Variants in ALKAL2 observed in about 807,000 individuals in gnomAD.
ALKAL2 encodes AUG-alpha.
In ALKAL2, 8 loss-of-function variants were observed where a neutral mutation model predicts 18.5. That is an observed-to-expected ratio of 0.43 (90% CI 0.25 to 0.78). The LOEUF is 0.78. ALKAL2 is among the 30% of genes least tolerant of loss of function. ALKAL2 has a pLI of 0.22. For missense variants in ALKAL2, 241 were observed against 211.2 expected (o/e 1.14, Z -0.88); for synonymous variants, 135 against 95.8 (o/e 1.41, Z -2.39).
At chr2:286,646 T>C (rs1328330271) in intron 2 of ALKAL2, 2 of 266,444 alleles carry the variant, frequency 7.5e-6, no homozygotes, top group Non-Finnish European at 1.4e-5. Flanking sequence ...GTTTTTTTTT[T>C]CTTTTAAACA....
At chr2:282,497 A>G (rs1670385854) in intron 5 of ALKAL2, among the ~76,000 whole-genome samples, 1 of 152,258 alleles carries the variant, frequency 6.6e-6, no homozygotes, top group Non-Finnish European at 1.5e-5. Flanking sequence ...TGTGTCAGGA[A>G]AATAAAACCT....
At chr2:287,538 A>G (rs1368093368) in intron 2 of ALKAL2, 45 bp downstream of exon 2, 4 of 1,305,368 alleles carry the variant, frequency 3.1e-6, no homozygotes, top group African/African-American at 1.6e-5. Flanking sequence ...AGACAATTCT[A>G]TTTCCCAGCA....
At chr2:280,256 T>C (rs1020504114) in intron 5 of ALKAL2, 104 bp from the exon 6 acceptor site, 2 of 1,291,156 alleles carry the variant, frequency 1.5e-6, no homozygotes, top group East Asian at 2.3e-5. Context: ...TTTATAAACA[T>C]AGGCAGTCTC....
chr2:284,846 T>C (rs1670455266), intron 4 of ALKAL2, among the ~76,000 whole-genome samples: 1 of 152,156 alleles, frequency 6.6e-6, no homozygotes, highest in Non-Finnish European at 1.5e-5. Flanking sequence ...AAAATATATG[T>C]ACATCAAAAC....
At chr2:283,339 AC>A (rs1670412584) in intron 4 of ALKAL2, 164 bp from the exon 5 acceptor site, 1 of 985,248 alleles carries the variant, frequency 1.0e-6, no homozygotes, top group East Asian at 1.1e-4. Flanking sequence ...TAAGTTGTTG[AC>A]TTAATAATTT....
chr2:280,182 A>C, intron 5 of ALKAL2, 30 bp from the exon 6 acceptor site: 3 of 1,613,608 alleles, frequency 1.9e-6, no homozygotes, highest in Non-Finnish European at 2.5e-6. Flanking sequence ...GTGTGATATG[A>C]CTATCCACAC....
chr2:283,728 T>C, intron 4 of ALKAL2: 1 of 319,016 alleles, frequency 3.1e-6, no homozygotes, highest in Non-Finnish European at 4.5e-6. Flanking sequence ...TCCACTATTC[T>C]GACCGTGCTG....
At chr2:286,904 C>T (rs1178314946) in intron 2 of ALKAL2, 2 of 152,262 alleles carry the variant, frequency 1.3e-5, no homozygotes, top group African/African-American at 4.8e-5. Flanking sequence ...GGGAAAGACT[C>T]TGCCAAGCAA....
chr2:282,964 T>C, intron 5 of ALKAL2, 147 bp downstream of exon 5: 1 of 867,296 alleles, frequency 1.2e-6, no homozygotes, highest in Non-Finnish European at 1.7e-6. Flanking sequence ...CTTTCAGCAC[T>C]GTGAGATGAG....
intron 5 of ALKAL2, among the ~76,000 whole-genome samples, chr2:282,292 G>C (rs1398252136): frequency 6.6e-6 from 1 of 152,228 alleles, no homozygotes; most frequent in Non-Finnish European, 1.5e-5. Flanking sequence ...AGAGAAACTA[G>C]AGTAACCACT....
Position 287,591 on chromosome 2 carries a change from T to C in ALKAL2, c.245A>G (p.Gln82Arg), listed in dbSNP as rs1387909392. 6.8e-7 allele frequency: 1 copy of C among 1,461,238 alleles called. No individual in the cohort carries two copies. The highest frequency in any genetic ancestry group is 9.0e-7 in the Non-Finnish European group (1 of 1,112,828). The allele number at this position is 1,461,238 out of a possible 1,614,324, so 90.5% of individuals were successfully genotyped here. Residue 82 changes from glutamine to arginine, a missense_variant, in exon 2 of 6, where the codon CAG becomes CGG. Gln to Arg is a conservative substitution (Grantham distance 43). Transcript: ENST00000403610. ...EAAGLGPSPEQRVEIVPRDLR... is the reference protein window; with the variant it reads ...EAAGLGPSPERRVEIVPRDLR... ...CGCTCGGCCCCACTCACCCACTCGC[T>C]GCTCCGGCGAAGGCCCCAGCCCCGC...
intron 5 of ALKAL2, among the ~76,000 whole-genome samples, chr2:280,939 A>G (rs7568664): frequency 0.91 from 139,064 of 152,272 alleles, 63,625 homozygotes; most frequent in African/African-American, 0.97. Flanking sequence ...TTGCCCTGCC[A>G]TCCTTGTGTG....
chr2:284,207 C>T (rs1291494690), intron 4 of ALKAL2, among the ~76,000 whole-genome samples: 2 of 152,158 alleles, frequency 1.3e-5, no homozygotes, highest in Non-Finnish European at 2.9e-5. Context: ...TGGGCCATGT[C>T]CAGGGTCCCA....
intron 5 of ALKAL2, among the ~76,000 whole-genome samples, chr2:282,325 A>T (rs973168402): frequency 5.3e-5 from 8 of 152,222 alleles, no homozygotes; most frequent in African/African-American, 1.9e-4. Flanking sequence ...CCTTTTCATG[A>T]ATGTGCTCCG....
At position 287,759 on chromosome 2, in the gene ALKAL2, GCGCC is replaced by G. The variant is rs1670575941; in HGVS notation, c.73_76del (p.Gly25ArgfsTer66). ...TCCGTCCGCCGGCTCCCGGGGCTCCGCGCCCCCCCGGCCGCGCCCCGCCGCCCCC... is the reference window on the plus strand; with the variant it reads ...TCCGTCCGCCGGCTCCCGGGGCTCCGCCCCCGGCCGCGCCCCGCCGCCCCC... On this transcript the variant is annotated frameshift_variant, in exon 2 of 6. Coordinates refer to ENST00000403610, the MANE Select transcript of ALKAL2 (RefSeq NM_001002919.3). LOFTEE classifies it high-confidence loss of function. 6.9e-7 allele frequency: 1 copy of G among 1,440,190 alleles called. No individual in the cohort carries two copies. Among genetic ancestry groups the G allele is most frequent in the African/African-American group, 1.5e-5 (1 of 67,524 alleles). The allele number at this position is 1,440,190 out of a possible 1,614,324, so 89.2% of individuals were successfully genotyped here.
intron 2 of ALKAL2, chr2:287,286 T>G: frequency 3.3e-6 from 1 of 299,230 alleles, no homozygotes; most frequent in Non-Finnish European, 6.1e-6. Flanking sequence ...TCCTTTTCAG[T>G]TGGGAAAGCT....
At chr2:284,577 G>A (rs895947524) in intron 4 of ALKAL2, among the ~76,000 whole-genome samples, 1 of 152,210 alleles carries the variant, frequency 6.6e-6, no homozygotes, top group African/African-American at 2.4e-5. Flanking sequence ...CCATGGCCCA[G>A]GGTGAGCTGT....
intron 4 of ALKAL2, chr2:283,577 G>T: frequency 1.0e-6 from 1 of 985,432 alleles, no homozygotes; most frequent in African/African-American, 1.7e-5. Context: ...ATGGGACAAA[G>T]CCTTCTGCCT....
chr2:285,700 G>A (rs1024663254), intron 4 of ALKAL2, among the ~76,000 whole-genome samples: 11 of 152,188 alleles, frequency 7.2e-5, no homozygotes, highest in African/African-American at 2.4e-4. Flanking sequence ...TGAAATTCCT[G>A]GGTGATGAGG....
Sources: gnomAD v4.1 joint callset for allele counts (sites outside exome capture counted in the v4.1 genomes callset) on GRCh38, gnomAD v4.1.1 for gene constraint, MANE v1.5 for transcripts, NCBI Gene and HGNC (gene_info 2026-07-23, HGNC 2026-07-21) for gene names.